L3MBTL3: variants seen among roughly 807,000 people sequenced by gnomAD.
L3MBTL3 encodes L3MBTL histone methyl-lysine binding protein 3.
In L3MBTL3, 27 loss-of-function variants were observed where a neutral mutation model predicts 102.3. The ratio of observed to expected loss-of-function variants is 0.26; its 90% CI spans 0.19 to 0.36. L3MBTL3 has a LOEUF of 0.36. Among genes scored for constraint, L3MBTL3 ranks in the 10% least tolerant of loss-of-function variants. The pLI is 1.00. For missense variants in L3MBTL3, 798 were observed against 955.3 expected (o/e 0.84, Z 2.17); for synonymous variants, 340 against 320.9 (o/e 1.06, Z -0.64).
intron 5 of L3MBTL3, among the ~76,000 whole-genome samples, chr6:130,050,856 A>G (rs545672340): frequency 1.3e-5 from 2 of 152,232 alleles, no homozygotes; most frequent in South Asian, 4.1e-4. Flanking sequence ...AAACAAAATC[A>G]TTCATCAAAA....
chr6:130,093,989 TATGAC>T (rs2115246162), intron 17 of L3MBTL3, among the ~76,000 whole-genome samples: 1 of 152,350 alleles, frequency 6.6e-6, no homozygotes, highest in South Asian at 2.1e-4. Context: ...CTCTGGACTT[TATGAC>T]GTTTTGAAAG....
At chr6:130,078,356 A>G in intron 13 of L3MBTL3, among the ~76,000 whole-genome samples, 1 of 152,230 alleles carries the variant, frequency 6.6e-6, no homozygotes. Context: ...TGTCAAATCC[A>G]TATAATGTTT....
At chr6:130,078,164 C>T (rs1783078452) in intron 13 of L3MBTL3, among the ~76,000 whole-genome samples, 1 of 152,154 alleles carries the variant, frequency 6.6e-6, no homozygotes, top group African/African-American at 2.4e-5. Flanking sequence ...TGCCTTTGTA[C>T]ATTTGCCCTT....
chr6:130,122,033 G>A (rs1399781380), intron 20 of L3MBTL3, among the ~76,000 whole-genome samples: 2 of 152,186 alleles, frequency 1.3e-5, no homozygotes, highest in East Asian at 1.9e-4. Flanking sequence ...GCTACAGAGC[G>A]AGTGGTTTAA....
intron 19 of L3MBTL3, among the ~76,000 whole-genome samples, chr6:130,119,616 G>GA (rs1220150398): frequency 2.4e-3 from 358 of 150,778 alleles, no homozygotes; most frequent in African/African-American, 7.7e-3. Context: ...ATTTCTCTTG[G>GA]AAAAAAAAAT....
Position 130,052,882 on chromosome 6 carries a change from T to G in L3MBTL3, c.473T>G (p.Val158Gly). Residue 158 changes from valine (V) to glycine (G), a missense_variant, in exon 7 of 23, where the codon GTA becomes GGA. By Grantham distance (109) the Val-to-Gly change is moderately radical. This residue lies in a region of L3MBTL3 where 434 missense variants were observed against 506.6 expected (regional missense o/e 0.86). Coordinates refer to ENST00000361794, the MANE Select transcript of L3MBTL3 (RefSeq NM_032438.4). ...AGAGATCAGAAGGAAGAAAGGGACG[T>G]AGAAGAAGACAATGAGGAAGAAGAT... ...KDKDQKEERD[V>G]EEDNEEEDPK... is the part of the protein sequence containing the mutation. 1.9e-6 allele frequency: 3 copies of G among 1,613,856 alleles called. No individual in the cohort carries two copies. Among genetic ancestry groups the G allele is most frequent in the Non-Finnish European group, 2.5e-6 (3 of 1,179,772 alleles).
At chr6:130,088,347 G>A (rs1369657915) in intron 16 of L3MBTL3, among the ~76,000 whole-genome samples, 2 of 152,144 alleles carry the variant, frequency 1.3e-5, no homozygotes, top group Admixed American at 1.3e-4. Flanking sequence ...AATATAAAAA[G>A]CCTGCAACAG....
intron 2 of L3MBTL3, among the ~76,000 whole-genome samples, chr6:130,030,665 T>TAAAA (rs548921467): frequency 1.4e-4 from 7 of 48,524 alleles, no homozygotes; most frequent in African/African-American, 3.8e-4. Context: ...AGACTCTACC[T>TAAAA]AAAAAAAAAA....
At chr6:130,035,142 C>T (rs1318228839) in intron 2 of L3MBTL3, among the ~76,000 whole-genome samples, 1 of 151,938 alleles carries the variant, frequency 6.6e-6, no homozygotes, top group Non-Finnish European at 1.5e-5. Flanking sequence ...TTTAAAAACT[C>T]ATTTTTATTC....
At chr6:130,131,630 G>C (rs770095286) in intron 20 of L3MBTL3, among the ~76,000 whole-genome samples, 1 of 152,166 alleles carries the variant, frequency 6.6e-6, no homozygotes, top group Non-Finnish European at 1.5e-5. Flanking sequence ...AAGTGTATTA[G>C]GAAAGGAAAG....
At chr6:130,109,586 C>G (rs1395347417) in intron 19 of L3MBTL3, among the ~76,000 whole-genome samples, 1 of 151,956 alleles carries the variant, frequency 6.6e-6, no homozygotes, top group African/African-American at 2.4e-5. Flanking sequence ...GTTTAAGTTC[C>G]TTATAGATTC....
intron 16 of L3MBTL3, among the ~76,000 whole-genome samples, chr6:130,090,882 T>C (rs1421521738): frequency 6.6e-6 from 1 of 152,118 alleles, no homozygotes; most frequent in Non-Finnish European, 1.5e-5. Context: ...CCACTGAGCC[T>C]GGCCTCAAAT....
intron 18 of L3MBTL3, among the ~76,000 whole-genome samples, chr6:130,099,352 C>G (rs1014854031): frequency 1.3e-5 from 2 of 152,158 alleles, no homozygotes; most frequent in Non-Finnish European, 2.9e-5. Context: ...GTAAGCCACA[C>G]CTTATTAAAG....
chr6:130,115,586 G>A (rs1263827879), intron 19 of L3MBTL3, among the ~76,000 whole-genome samples: 1 of 152,090 alleles, frequency 6.6e-6, no homozygotes, highest in Non-Finnish European at 1.5e-5. Context: ...CCATTCTAAT[G>A]TCTGTTTTAC....
intron 20 of L3MBTL3, among the ~76,000 whole-genome samples, chr6:130,131,013 A>G (rs1191005658): frequency 6.6e-6 from 1 of 152,228 alleles, no homozygotes; most frequent in East Asian, 1.9e-4. Context: ...CATCTGATAC[A>G]TAGGAATAAA....
Position 130,083,605 on chromosome 6 carries a change from AT to A in L3MBTL3, c.1322-10del. 2 of 1,305,736 alleles carry A rather than the reference AT, an allele frequency of 1.5e-6. No individual in the cohort carries two copies. Among genetic ancestry groups the A allele is most frequent in the South Asian group, 2.7e-5 (2 of 75,036 alleles). 80.9% of individuals were successfully genotyped at this position (1,305,736 alleles called of 1,614,324 possible). On this transcript the variant is annotated splice_polypyrimidine_tract_variant and intron_variant, in intron 14 of 22. Coordinates refer to ENST00000361794, the MANE Select transcript of L3MBTL3 (RefSeq NM_032438.4). ...TTTGGTTAAACCTCATAGGATTTAC[AT>A]TTTTCTTTCTTAGGTTATCCAAATG...
chr6:130,104,125 G>A (rs1582574448), intron 18 of L3MBTL3, among the ~76,000 whole-genome samples: 3 of 152,188 alleles, frequency 2.0e-5, no homozygotes, highest in Admixed American at 2.0e-4. Context: ...TTCTTTCTTG[G>A]GGCTGATTGT....
At chr6:130,064,897 G>C (rs1404655091) in intron 10 of L3MBTL3, among the ~76,000 whole-genome samples, 1 of 152,214 alleles carries the variant, frequency 6.6e-6, no homozygotes, top group African/African-American at 2.4e-5. Context: ...CAAGGAACTA[G>C]AGGCTGTAAA....
chr6:130,036,900 A>G (rs1217322861), intron 2 of L3MBTL3, among the ~76,000 whole-genome samples: 1 of 152,154 alleles, frequency 6.6e-6, no homozygotes, highest in East Asian at 1.9e-4. Flanking sequence ...AGATTAAACG[A>G]TGGTTAACAA....
Sources: allele counts gnomAD v4.1 joint callset (sites outside exome capture counted in the v4.1 genomes callset), GRCh38; gene constraint gnomAD v4.1.1; regional missense constraint gnomAD v4.1.1; transcripts MANE v1.5; gene names NCBI Gene and HGNC (gene_info 2026-07-23, HGNC 2026-07-21).